PTK2: variants seen among roughly 807,000 people sequenced by gnomAD.
PTK2 encodes protein tyrosine kinase 2.
Under a neutral mutation model 150.1 loss-of-function variants are expected in PTK2, and 45 were observed. That is an observed-to-expected ratio of 0.30 (90% confidence interval 0.24 to 0.38). PTK2 has a LOEUF of 0.38. Among genes scored for constraint, PTK2 ranks in the 10% least tolerant of loss-of-function variants. The pLI, the probability that PTK2 is intolerant of heterozygous loss-of-function variation, is 1.00. For synonymous variants in PTK2, 432 were observed against 449.2 expected (o/e 0.96, Z 0.48); for missense variants, 919 against 1,307.3 (o/e 0.70, Z 4.58).
chr8:140,821,081 G>A (rs1486013565), intron 8 of PTK2: 1 of 152,378 alleles, frequency 6.6e-6, no homozygotes, highest in East Asian at 1.9e-4. Context: ...TCAGAGAGAA[G>A]GATACACACA....
intron 29 of PTK2, 104 bp downstream of exon 33, chr8:140,669,623 T>C (rs1300661367): frequency 7.5e-7 from 1 of 1,327,722 alleles, no homozygotes; most frequent in Admixed American, 2.1e-5. Flanking sequence ...CAGGCCGAAG[T>C]GCCCTCCCAC....
chr8:140,868,182 T>C (rs1304701678), intron 4 of PTK2, among the ~76,000 whole-genome samples: 1 of 152,142 alleles, frequency 6.6e-6, no homozygotes, highest in African/African-American at 2.4e-5. Flanking sequence ...GGTATGTTTT[T>C]GAAAAGCTGA....
At chr8:140,921,606 T>G (rs1262986023) in intron 2 of PTK2, among the ~76,000 whole-genome samples, 1 of 152,222 alleles carries the variant, frequency 6.6e-6, no homozygotes, top group Non-Finnish European at 1.5e-5. Flanking sequence ...TTTTTCCTGG[T>G]TGGTACTGTC....
At chr8:140,798,266 C>T (rs150156692) in intron 12 of PTK2, among the ~76,000 whole-genome samples, 319 of 152,204 alleles carry the variant, frequency 2.1e-3, no homozygotes, top group African/African-American at 7.5e-3. Flanking sequence ...GTATTTTTGA[C>T]TATAATCCAC....
intron 22 of PTK2, among the ~76,000 whole-genome samples, chr8:140,730,180 T>C (rs1240223078): frequency 6.6e-6 from 1 of 152,214 alleles, no homozygotes; most frequent in Non-Finnish European, 1.5e-5. Context: ...ACTGGTGTTC[T>C]TTAGAACATA....
intron 13 of PTK2, among the ~76,000 whole-genome samples, chr8:140,790,918 A>T (rs1055559491): frequency 6.6e-6 from 1 of 152,186 alleles, no homozygotes; most frequent in Non-Finnish European, 1.5e-5. Context: ...TTGTGCTGCC[A>T]AAACACTGGG....
intron 13 of PTK2, among the ~76,000 whole-genome samples, chr8:140,793,099 TAAC>T (rs1395696902): frequency 3.3e-5 from 5 of 152,206 alleles, no homozygotes; most frequent in Non-Finnish European, 5.9e-5. Flanking sequence ...AGCAAATGTT[TAAC>T]AACAGGCTCT....
chr8:140,894,029 C>T (rs1279289048), intron 2 of PTK2, among the ~76,000 whole-genome samples: 1 of 152,144 alleles, frequency 6.6e-6, no homozygotes, highest in Admixed American at 6.5e-5. Flanking sequence ...CTGTTACCAA[C>T]TAAATGTCTG....
intron 2 of PTK2, chr8:140,920,979 G>A: frequency 7.5e-7 from 1 of 1,335,096 alleles, no homozygotes; most frequent in Non-Finnish European, 9.6e-7. Flanking sequence ...CGCTGTGATA[G>A]TATTTGCTTC....
chr8:140,954,111 A>T (rs920919035), intron 1 of PTK2, among the ~76,000 whole-genome samples: 10 of 151,932 alleles, frequency 6.6e-5, no homozygotes, highest in African/African-American at 2.4e-4. Flanking sequence ...AGTAGCTGGG[A>T]TTACAACAGC....
intron 3 of PTK2, chr8:140,890,262 A>G (rs1435878905): frequency 8.6e-6 from 3 of 347,678 alleles, no homozygotes; most frequent in Non-Finnish European, 1.5e-5. Flanking sequence ...TACTCATCCA[A>G]GAGTTAAAAA....
intron 23 of PTK2, among the ~76,000 whole-genome samples, chr8:140,716,105 A>G (rs2100039576): frequency 6.6e-6 from 1 of 152,226 alleles, no homozygotes; most frequent in African/African-American, 2.4e-5. Context: ...CCCAAGAGGT[A>G]GGGAATACAA....
intron 1 of PTK2, among the ~76,000 whole-genome samples, chr8:140,930,165 T>C (rs1223817204): frequency 6.6e-6 from 1 of 152,178 alleles, no homozygotes; most frequent in African/African-American, 2.4e-5. Flanking sequence ...ACAGCCTACA[T>C]GTTTGATAGA....
At chr8:140,948,381 A>G (rs951570728) in intron 1 of PTK2, among the ~76,000 whole-genome samples, 9 of 152,234 alleles carry the variant, frequency 5.9e-5, no homozygotes, top group African/African-American at 1.9e-4. Context: ...ACAGGGAGAC[A>G]TGCTGGAACT....
intron 7 of PTK2, among the ~76,000 whole-genome samples, chr8:140,844,354 T>C (rs964614938): frequency 6.6e-6 from 1 of 152,230 alleles, no homozygotes; most frequent in Non-Finnish European, 1.5e-5. Flanking sequence ...GTGGGTTTTA[T>C]GCTCCACCTC....
At chr8:140,731,240 T>C (rs2100049119) in intron 22 of PTK2, among the ~76,000 whole-genome samples, 3 of 152,140 alleles carry the variant, frequency 2.0e-5, no homozygotes, top group Admixed American at 2.0e-4. Flanking sequence ...GATTACAGGC[T>C]TGAGCCACTG....
At chr8:140,674,495 T>C (rs2100012431) in intron 28 of PTK2, 91 bp from the exon 32 acceptor site, 2 of 1,184,170 alleles carry the variant, frequency 1.7e-6, no homozygotes, top group East Asian at 5.2e-5. Flanking sequence ...ATCTCAGCAC[T>C]TTGGGAGGCT....
At position 140,770,698 on chromosome 8, in the gene PTK2, C is replaced by G; in HGVS notation, c.1178-6408G>C. ...GCTCTGGTTAATAGGAGAGCCTGTG[C>G]AAATATGAGTGCAGTACCCGTAGAA... On this transcript the variant is annotated intron_variant, in intron 14 of 31. Transcript: ENST00000522684. 1 of 1,267,842 alleles carries G rather than the reference C, an allele frequency of 7.9e-7. No homozygotes were observed. Among genetic ancestry groups the G allele is most frequent in the Non-Finnish European group, 1.0e-6 (1 of 960,864 alleles). The allele number at this position is 1,267,842 out of a possible 1,614,324, so 78.5% of individuals were successfully genotyped here.
At chr8:140,927,104 A>T (rs776265325) in intron 1 of PTK2, among the ~76,000 whole-genome samples, 1 of 152,246 alleles carries the variant, frequency 6.6e-6, no homozygotes, top group African/African-American at 2.4e-5. Flanking sequence ...ACAGAAGAAG[A>T]AGTTCAAAGT....
Sources: allele counts gnomAD v4.1 joint callset (sites outside exome capture counted in the v4.1 genomes callset), GRCh38; gene constraint gnomAD v4.1.1; transcripts MANE v1.5; gene names NCBI Gene and HGNC (gene_info 2026-07-23, HGNC 2026-07-21).